The following KCNK10 variants were observed in gnomAD, a reference collection of about 807,000 sequenced individuals.
The protein encoded by KCNK10 is potassium two pore domain channel subfamily K member 10.
In KCNK10, 25 loss-of-function variants were observed where a neutral mutation model predicts 47.7. The observed-to-expected ratio is 0.52, with a 90% CI of 0.38 to 0.73. KCNK10 has a LOEUF of 0.73. Ranked by LOEUF, KCNK10 falls within the 30% of genes least tolerant of loss-of-function variation. The pLI, the probability that KCNK10 is intolerant of heterozygous loss-of-function variation, is 0.00. For missense variants in KCNK10, 563 were observed against 714.5 expected, an observed-to-expected ratio of 0.79 and a Z score of 2.42; for synonymous variants, 303 against 285.6, an observed-to-expected ratio of 1.06 and a Z score of -0.61.
intron 4 of KCNK10, among the ~76,000 whole-genome samples, chr14:88,198,810 C>T (rs949477059): frequency 6.6e-5 from 10 of 152,108 alleles, no homozygotes; most frequent in African/African-American, 2.2e-4. Context: ...TTAGGAAACT[C>T]ATCTTTCCAC....
At position 88,188,748 on chromosome 14, in the gene KCNK10, C is replaced by T. The variant is rs75582555; in HGVS notation, c.869-639G>A. ...CTAGAACTAAAAGGGACCTTTGAGG[C>T]CAATCCCTTTATTTTATAAATAAGG... On this transcript the variant is annotated intron_variant, in intron 5 of 6. Coordinates refer to ENST00000319231, the MANE Select transcript of KCNK10 (RefSeq NM_138317.3). Among the ~76,000 whole-genome samples, 146 of 152,262 alleles carry T rather than the reference C, an allele frequency of 9.6e-4. 4 individuals are homozygous for T. The East Asian group carries it at 0.028, about 29-fold the overall frequency.
At chr14:88,255,024 G>A (rs760215061) in intron 2 of KCNK10, among the ~76,000 whole-genome samples, 10 of 152,160 alleles carry the variant, frequency 6.6e-5, no homozygotes, top group Non-Finnish European at 1.5e-5. Context: ...TAGTGGTGTT[G>A]AGGGACCAAG....
At chr14:88,291,867 G>C (rs1463194765) in intron 1 of KCNK10, among the ~76,000 whole-genome samples, 1 of 152,182 alleles carries the variant, frequency 6.6e-6, no homozygotes, top group Non-Finnish European at 1.5e-5. Context: ...GGGCCAAGTA[G>C]GCACTGGATG....
chr14:88,284,308 C>T (rs539898232), intron 1 of KCNK10, among the ~76,000 whole-genome samples: 5 of 152,248 alleles, frequency 3.3e-5, no homozygotes, highest in African/African-American at 9.6e-5. Flanking sequence ...TGGGTACAAA[C>T]GCCAGCCTCC....
chr14:88,316,952 A>C (rs1021502809), intron 1 of KCNK10, among the ~76,000 whole-genome samples: 3 of 152,214 alleles, frequency 2.0e-5, no homozygotes, highest in Non-Finnish European at 1.5e-5. Flanking sequence ...GGTGGGGTTC[A>C]TATGGAGCCA....
At position 88,318,215 on chromosome 14, in the gene KCNK10, G is replaced by A. The variant is rs1191280080; in HGVS notation, c.52+4532C>T. 3.9e-5 allele frequency among the ~76,000 whole-genome samples: 6 copies of A among 152,154 alleles called. No individual in the cohort carries two copies. The East Asian group carries it at 5.8e-4, about 15-fold the overall frequency. On this transcript the variant is annotated intron_variant, in intron 1 of 6. Transcript: ENST00000319231. Reference sequence around the variant, plus strand: ...ACTTTGCCATTTATAGCTGAGAGGCGTCCTGCAATTTCCATGAGGCATAAA... The same window carrying A: ...ACTTTGCCATTTATAGCTGAGAGGCATCCTGCAATTTCCATGAGGCATAAA...
chr14:88,199,014 G>C (rs1885014569), intron 4 of KCNK10, among the ~76,000 whole-genome samples: 1 of 151,646 alleles, frequency 6.6e-6, no homozygotes, highest in Admixed American at 6.6e-5. Flanking sequence ...CCGCCTCCCA[G>C]GTTCAAGCGA....
At chr14:88,277,616 G>A (rs1365927329) in intron 1 of KCNK10, among the ~76,000 whole-genome samples, 3 of 152,086 alleles carry the variant, frequency 2.0e-5, no homozygotes, top group Non-Finnish European at 4.4e-5. Flanking sequence ...TGAAGTCTTC[G>A]AGGAATCAAC....
At position 88,323,138 on chromosome 14, in the gene KCNK10, G is replaced by C. The variant is rs891491965; in HGVS notation, c.-340C>G. 1.7e-6 allele frequency: 2 copies of C among 1,159,686 alleles called. No homozygotes were observed. The highest frequency in any genetic ancestry group is 2.1e-6 in the Non-Finnish European group (2 of 932,882). 71.8% of individuals were successfully genotyped at this position (1,159,686 alleles called of 1,614,324 possible). On this transcript the variant is annotated 5_prime_UTR_variant, in exon 1 of 7. Transcript: ENST00000319231. The stretch of plus-strand genomic sequence containing the variant: ...CTGCTTCCCAAAAGCGGTGCCGGCA[G>C]GTTAGGGGCTGCGCAGCCTGAAGGC...
At position 88,180,464 on chromosome 14, in the gene KCNK10, C is replaced by T; in HGVS notation, c.*5071G>A. On this transcript the variant is annotated 3_prime_UTR_variant, in exon 7 of 7. Transcript: ENST00000319231. ...ACTTCTAGGCACCACTGCACCTTCT[C>T]CCTTCAAGCTCAGAGCCCTGACAGC... 4.6e-6 allele frequency: 1 copy of T among 219,228 alleles called. No homozygotes were observed. The highest frequency in any genetic ancestry group is 8.9e-6 in the Non-Finnish European group (1 of 112,464). The allele number at this position is 219,228 out of a possible 1,614,324, so 13.6% of individuals were successfully genotyped here.
At chr14:88,240,536 CT>C (rs768883453) in intron 3 of KCNK10, among the ~76,000 whole-genome samples, 166 bp downstream of exon 3, 10 of 151,988 alleles carry the variant, frequency 6.6e-5, no homozygotes, top group Admixed American at 2.6e-4. Context: ...TATGCTTTGG[CT>C]TTTGTTGAAA....
At chr14:88,210,542 G>A (rs528282892) in intron 4 of KCNK10, among the ~76,000 whole-genome samples, 3 of 152,326 alleles carry the variant, frequency 2.0e-5, no homozygotes, top group East Asian at 1.9e-4. Flanking sequence ...GATGTCATCC[G>A]TATGCAGAGG....
chr14:88,223,879 C>A (rs773580126), intron 4 of KCNK10, among the ~76,000 whole-genome samples: 1 of 151,930 alleles, frequency 6.6e-6, no homozygotes, highest in Admixed American at 6.6e-5. Flanking sequence ...TCTGTACACC[C>A]GGCTTAAAAA....
intron 2 of KCNK10, among the ~76,000 whole-genome samples, chr14:88,243,885 A>G (rs1886549308): frequency 6.6e-6 from 1 of 151,268 alleles, no homozygotes; most frequent in South Asian, 2.1e-4. Context: ...GCTGGGTTCT[A>G]TCTGTGACGT....
intron 1 of KCNK10, among the ~76,000 whole-genome samples, chr14:88,300,015 A>G (rs138347751): frequency 1.3e-5 from 2 of 152,268 alleles, no homozygotes; most frequent in African/African-American, 4.8e-5. Context: ...ATATTCCTTC[A>G]TGTAACATCA....
At chr14:88,300,493 CAT>C (rs1566718693) in intron 1 of KCNK10, among the ~76,000 whole-genome samples, 3 of 152,210 alleles carry the variant, frequency 2.0e-5, no homozygotes, top group Non-Finnish European at 2.9e-5. Context: ...AAGCACTAAA[CAT>C]ATGTCCCATA....
At chr14:88,290,265 G>A (rs1887848809) in intron 1 of KCNK10, among the ~76,000 whole-genome samples, 2 of 152,116 alleles carry the variant, frequency 1.3e-5, no homozygotes, top group Non-Finnish European at 2.9e-5. Context: ...GCAGCCATGA[G>A]CCAAGAAACA....
At chr14:88,226,311 T>C (rs1025372540) in intron 4 of KCNK10, among the ~76,000 whole-genome samples, 1 of 152,210 alleles carries the variant, frequency 6.6e-6, no homozygotes, top group African/African-American at 2.4e-5. Flanking sequence ...ACTGCTCATC[T>C]GAAAGCTCCC....
chr14:88,235,057 G>A (rs1251293542), intron 3 of KCNK10: 1 of 456,236 alleles, frequency 2.2e-6, no homozygotes, highest in Non-Finnish European at 4.4e-6. Context: ...GATAAAGAGG[G>A]AGAGCAGCAG....
Sources: gnomAD v4.1 joint callset for allele counts (sites outside exome capture counted in the v4.1 genomes callset) on GRCh38, gnomAD v4.1.1 for gene constraint, MANE v1.5 for transcripts, NCBI Gene and HGNC (gene_info 2026-07-23, HGNC 2026-07-21) for gene names.